CCDC171: variants seen among roughly 807,000 people sequenced by gnomAD.
The protein encoded by CCDC171 is coiled-coil domain-containing protein 171.
A neutral mutation model predicts 168.2 loss-of-function variants in CCDC171; 177 were observed. The observed-to-expected ratio is 1.05, with a 90% CI of 0.93 to 1.19. The LOEUF is 1.19. Among genes scored for constraint, CCDC171 ranks in the 50% most tolerant of loss-of-function variants. The pLI, the probability that CCDC171 is intolerant of heterozygous loss-of-function variation, is 0.00. For missense variants in CCDC171, 1,991 were observed against 1,539.0 expected, an observed-to-expected ratio of 1.29 and a Z score of -4.91; for synonymous variants, 687 against 540.8, an observed-to-expected ratio of 1.27 and a Z score of -3.75.
intron 24 of CCDC171, among the ~76,000 whole-genome samples, chr9:15,918,924 A>G (rs2182936): frequency 0.34 from 50,805 of 151,436 alleles, 10,687 homozygotes; most frequent in East Asian, 0.62. Flanking sequence ...TCATTCTTCA[A>G]AGCAGTCATT....
chr9:15,649,045 CAG>C (rs1430817938), intron 7 of CCDC171, among the ~76,000 whole-genome samples: 1 of 152,152 alleles, frequency 6.6e-6, no homozygotes, highest in Non-Finnish European at 1.5e-5. Flanking sequence ...GGTACCAAAA[CAG>C]AGATATAGAC....
chr9:15,864,954 G>T (rs1266491267), intron 23 of CCDC171, among the ~76,000 whole-genome samples: 1 of 152,052 alleles, frequency 6.6e-6, no homozygotes, highest in Non-Finnish European at 1.5e-5. Context: ...TAACTGAAAT[G>T]TTCCCTATGT....
intron 3 of CCDC171, among the ~76,000 whole-genome samples, chr9:15,998,593 C>T (rs759679112): frequency 6.6e-6 from 1 of 152,070 alleles, no homozygotes; most frequent in Non-Finnish European, 1.5e-5. Context: ...ATCAAATAGC[C>T]AATTGGTCTT....
intron 21 of CCDC171, among the ~76,000 whole-genome samples, chr9:15,806,325 G>A (rs1341087584): frequency 2.0e-5 from 3 of 152,122 alleles, no homozygotes; most frequent in African/African-American, 4.8e-5. Flanking sequence ...TTGCTTCGTA[G>A]TGGCATTGGT....
At chr9:15,555,304 T>A (rs1336719166) in intron 1 of CCDC171, among the ~76,000 whole-genome samples, 1 of 152,184 alleles carries the variant, frequency 6.6e-6, no homozygotes, top group Non-Finnish European at 1.5e-5. Flanking sequence ...TACATTAACA[T>A]AAAAAGCTAA....
chr9:15,934,664 GAATT>G (rs938501790), intron 25 of CCDC171, among the ~76,000 whole-genome samples: 1 of 151,938 alleles, frequency 6.6e-6, no homozygotes, highest in Non-Finnish European at 1.5e-5. Context: ...ATACCCAAAA[GAATT>G]GTAAACAGGT....
At chr9:15,635,240 A>C (rs905406006) in intron 7 of CCDC171, among the ~76,000 whole-genome samples, 1 of 152,214 alleles carries the variant, frequency 6.6e-6, no homozygotes, top group Admixed American at 6.5e-5. Context: ...ATAAGCCAGC[A>C]GTGCAGCCTT....
chr9:15,943,808 G>A (rs563100619), intron 25 of CCDC171, among the ~76,000 whole-genome samples: 1 of 151,988 alleles, frequency 6.6e-6, no homozygotes, highest in African/African-American at 2.4e-5. Flanking sequence ...TAATCAGTTG[G>A]TGAGTCAGGA....
the CCDC171 span, among the ~76,000 whole-genome samples, chr9:16,090,530 C>T: frequency 1.3e-5 from 2 of 152,078 alleles, no homozygotes; most frequent in Admixed American, 6.5e-5. Flanking sequence ...CAAACCTGCA[C>T]GTTCTGCATA....
At chr9:15,798,015 T>G (rs564435203) in intron 21 of CCDC171, among the ~76,000 whole-genome samples, 2 of 152,324 alleles carry the variant, frequency 1.3e-5, no homozygotes, top group East Asian at 3.9e-4. Context: ...TCTTCCTTTT[T>G]GCTAATTCCA....
chr9:15,979,663 A>C (rs73411602), intron 3 of CCDC171, among the ~76,000 whole-genome samples: 11,569 of 151,800 alleles, frequency 0.076, 1,445 homozygotes, highest in African/African-American at 0.26. Context: ...TGTGGTATGT[A>C]ATCTTTTTTT....
At chr9:16,087,149 A>G in the CCDC171 span, among the ~76,000 whole-genome samples, 1 of 152,138 alleles carries the variant, frequency 6.6e-6, no homozygotes, top group Non-Finnish European at 1.5e-5. Flanking sequence ...TTTACTTCCA[A>G]TTATGTGGTC....
chr9:15,788,029 T>C (rs1303291100), intron 21 of CCDC171, among the ~76,000 whole-genome samples: 1 of 152,232 alleles, frequency 6.6e-6, no homozygotes, highest in Admixed American at 6.5e-5. Context: ...GATAAAGAGC[T>C]GTTCATGTTA....
chr9:15,572,119 A>G (rs1462322161), intron 3 of CCDC171, among the ~76,000 whole-genome samples: 1 of 152,132 alleles, frequency 6.6e-6, no homozygotes, highest in Non-Finnish European at 1.5e-5. Context: ...TCTTTAAGTA[A>G]ATTTGAGTAT....
chr9:15,609,166 C>G (rs1434219018), intron 6 of CCDC171, among the ~76,000 whole-genome samples: 2 of 150,790 alleles, frequency 1.3e-5, no homozygotes, highest in Non-Finnish European at 2.9e-5. Context: ...GTGGTGTGAT[C>G]TTGGCTCACT....
At chr9:15,873,932 G>C (rs918199107) in intron 23 of CCDC171, among the ~76,000 whole-genome samples, 1 of 152,030 alleles carries the variant, frequency 6.6e-6, no homozygotes, top group African/African-American at 2.4e-5. Context: ...GACTGTGTTG[G>C]TTTATATGTA....
intron 3 of CCDC171, among the ~76,000 whole-genome samples, chr9:15,573,904 TAAAATA>T (rs1459407283): frequency 6.6e-6 from 1 of 151,930 alleles, no homozygotes; most frequent in Non-Finnish European, 1.5e-5. Flanking sequence ...CTACAAAAAA[TAAAATA>T]AAAATAAATA....
At chr9:15,946,667 A>C (rs200193385) in intron 25 of CCDC171, among the ~76,000 whole-genome samples, 20 of 152,010 alleles carry the variant, frequency 1.3e-4, no homozygotes, top group South Asian at 4.1e-4. Context: ...TTGGAAAAAA[A>C]TACTTTAAAG....
intron 7 of CCDC171, among the ~76,000 whole-genome samples, chr9:15,651,911 T>A (rs1439678164): frequency 6.6e-6 from 1 of 152,234 alleles, no homozygotes; most frequent in Admixed American, 6.5e-5. Flanking sequence ...TCATGAAGAT[T>A]TTTGGATTTT....
Sources: allele counts gnomAD v4.1 joint callset (sites outside exome capture counted in the v4.1 genomes callset), GRCh38; gene constraint gnomAD v4.1.1; transcripts MANE v1.5; gene names NCBI Gene and HGNC (gene_info 2026-07-23, HGNC 2026-07-21).